ATG16L2: variants seen among roughly 807,000 people sequenced by gnomAD.
ATG16L2 encodes the protein autophagy related 16 like 2, also known as protein Atg16l2.
Under a neutral mutation model 84.7 loss-of-function variants are expected in ATG16L2, and 77 were observed. The observed-to-expected ratio is 0.91, with a 90% CI of 0.76 to 1.10. The LOEUF (loss-of-function observed/expected upper bound fraction) is 1.10. ATG16L2 is among the 50% of genes least tolerant of loss of function. The pLI, the probability that ATG16L2 is intolerant of heterozygous loss-of-function variation, is 0.00. For missense variants in ATG16L2, 782 were observed against 817.6 expected (o/e 0.96, Z 0.53); for synonymous variants, 361 against 342.8 (o/e 1.05, Z -0.59).
At chr11:72,817,990 A>G in intron 3 of ATG16L2, 135 bp downstream of exon 3, 1 of 830,144 alleles carries the variant, frequency 1.2e-6, no homozygotes, top group Non-Finnish European at 1.9e-6. Flanking sequence ...AGTGTGTGCC[A>G]GGCCCTGACC....
At chr11:72,818,078 T>C in intron 3 of ATG16L2, 1 of 556,220 alleles carries the variant, frequency 1.8e-6, no homozygotes, top group South Asian at 2.1e-5. Context: ...GGGAGTTAGG[T>C]GTGCAAGGGC....
intron 3 of ATG16L2, among the ~76,000 whole-genome samples, chr11:72,821,014 C>T (rs1388758494): frequency 6.6e-6 from 1 of 152,170 alleles, no homozygotes; most frequent in Non-Finnish European, 1.5e-5. Context: ...GAGACCTGTG[C>T]TTGGGCAGGC....
chr11:72,821,959 G>A, intron 4 of ATG16L2, 85 bp from the exon 5 acceptor site: 1 of 1,436,976 alleles, frequency 7.0e-7, no homozygotes, highest in Non-Finnish European at 9.1e-7. Flanking sequence ...GGCATGGGCA[G>A]GTCTGTCTCT....
At chr11:72,843,352 A>G in exon 6 of ATG16L2, 1 of 1,601,710 alleles carries the variant, frequency 6.2e-7, no homozygotes, top group Non-Finnish European at 8.5e-7. Flanking sequence ...ATGTGACAAA[A>G]CAAGTTTACA....
intron 11 of ATG16L2, 79 bp from the exon 12 acceptor site, chr11:72,826,439 C>T: frequency 6.4e-7 from 1 of 1,568,068 alleles, no homozygotes; most frequent in Non-Finnish European, 8.7e-7. Flanking sequence ...AACTGTGAGG[C>T]AGCCCCTAGC....
chr11:72,834,382 A>T (rs1204883266), downstream of ATG16L2, among the ~76,000 whole-genome samples: 1 of 152,126 alleles, frequency 6.6e-6, no homozygotes, highest in Non-Finnish European at 1.5e-5. Flanking sequence ...TAGAGGATAA[A>T]GGTTTGTTTT....
At chr11:72,828,825 C>T in intron 16 of ATG16L2, 49 bp downstream of exon 16, 1 of 1,613,838 alleles carries the variant, frequency 6.2e-7, no homozygotes, top group East Asian at 2.2e-5. Flanking sequence ...CCTGCCGGAC[C>T]CTGTGTGTGC....
rs1374675645 is a variant in ATG16L2 at position 72,826,546 on chromosome 11, A to G, written c.1202A>G (p.Asn401Ser). ...TACCAGGTTTTAGCAGCAACTTACA[A>G]CCAGGCTGCCCAGCTCTGGAAGGTG... The part of the protein sequence containing the change: ...SGYQVLAATY[N>S]QAAQLWKVGE... The change falls in exon 12 of 18, where the codon AAC becomes AGC. Residue 401 changes from asparagine (N) to serine (S), a missense_variant. Coordinates refer to ENST00000321297, the MANE Select transcript of ATG16L2 (RefSeq NM_033388.2). The G allele has an allele frequency of 6.2e-7, 1 of 1,613,980 alleles. No individual in the cohort carries two copies. The highest frequency in any genetic ancestry group is 1.1e-5 in the South Asian group (1 of 91,070).
chr11:72,816,926 G>A, intron 2 of ATG16L2, 99 bp downstream of exon 2: 3 of 662,296 alleles, frequency 4.5e-6, no homozygotes, highest in Non-Finnish European at 7.1e-6. Context: ...TGCCTCATCA[G>A]CCCTTGGCTG....
At chr11:72,827,444 GGCTGGGCTCAGCTCCC>G (rs933044165) in intron 14 of ATG16L2, 151 bp downstream of exon 14, 1 of 656,518 alleles carries the variant, frequency 1.5e-6, no homozygotes, top group Admixed American at 2.6e-5. Flanking sequence ...AGTGCCTCTC[GGCTGGGCTCAGCTCCC>G]GCAGGAAGCT....
chr11:72,842,602 TG>T (rs1860996569), intron 5 of ATG16L2: 1 of 1,613,458 alleles, frequency 6.2e-7, no homozygotes, highest in African/African-American at 1.3e-5. Flanking sequence ...TTAATTCAAC[TG>T]TCTCCCCTCT....
intron 7 of ATG16L2, chr11:72,823,396 T>C (rs1360745898): frequency 2.9e-6 from 1 of 349,526 alleles, no homozygotes; most frequent in South Asian, 2.2e-5. Context: ...TATAAGCATG[T>C]GTAGATGTGT....
Position 72,815,093 on chromosome 11 carries a change from C to T in ATG16L2, c.118+530C>T, listed in dbSNP as rs542016223. On this transcript the variant is annotated intron_variant, in intron 1 of 17. Transcript: ENST00000321297. Reference sequence around the variant, plus strand: ...TGGAACACCTCCCTGTCAGCCTACCCAGCCTGAGGGGGCATCAGGGGGCCC... The same window carrying T: ...TGGAACACCTCCCTGTCAGCCTACCTAGCCTGAGGGGGCATCAGGGGGCCC... Among the ~76,000 whole-genome samples, 464 of 152,354 alleles carry T rather than the reference C, an allele frequency of 3.0e-3. 1 individual carries two copies. Among genetic ancestry groups the T allele is most frequent in the Admixed American group, 5.4e-3 (83 of 15,300 alleles).
At position 72,819,615 on chromosome 11, in the gene ATG16L2, C is replaced by T. The variant is rs74697139; in HGVS notation, c.318+1760C>T. On this transcript the variant is annotated intron_variant, in intron 3 of 17. Coordinates refer to ENST00000321297, the MANE Select transcript of ATG16L2 (RefSeq NM_033388.2). ...CTCTTGTCGCATTTCCTGCCACGCT[C>T]ATCTCTGAGCTCCCAGCTCCCTTTG... 3.6e-3 allele frequency among the ~76,000 whole-genome samples: 543 copies of T among 152,348 alleles called. 1 individual carries two copies. The highest frequency in any genetic ancestry group is 0.013 in the African/African-American group (527 of 41,584).
Position 72,821,937 on chromosome 11 carries a change from C to G in ATG16L2, c.393-107C>G, listed in dbSNP as rs188033427. On this transcript the variant is annotated intron_variant, in intron 4 of 17. Transcript: ENST00000321297. ...GGGGAGACCTGGCTTAGCCACCCGG[C>G]TAGCCGCGTTTGGCATGGGCAGGTC... 5.6e-4 allele frequency: 793 copies of G among 1,425,378 alleles called. 6 individuals are homozygous for G. The African/African-American group carries it at 0.01, about 19-fold the overall frequency. The allele number at this position is 1,425,378 out of a possible 1,614,324, so 88.3% of individuals were successfully genotyped here. A position where few individuals can be genotyped will look rare whatever the true frequency, so the allele number is the denominator to read the frequency against.
chr11:72,839,750 T>G (rs1235695679), intron 5 of ATG16L2, among the ~76,000 whole-genome samples: 1 of 152,104 alleles, frequency 6.6e-6, no homozygotes, highest in Non-Finnish European at 1.5e-5. Flanking sequence ...TAAACTGAGA[T>G]ATCCACACAT....
intron 7 of ATG16L2, 61 bp downstream of exon 7, chr11:72,823,022 G>A: frequency 1.6e-6 from 2 of 1,257,604 alleles, no homozygotes; most frequent in Non-Finnish European, 2.2e-6. Flanking sequence ...AGGCTGCCAG[G>A]GTCTTCCTCT....
At chr11:72,829,676 A>C (rs1253701143), downstream of ATG16L2, 1 of 1,149,780 alleles carries the variant, frequency 8.7e-7, no homozygotes, top group African/African-American at 1.6e-5. Context: ...TGGTACAGAG[A>C]CCTTTGGGCT....
At chr11:72,832,031 T>G (rs762669325), downstream of ATG16L2, among the ~76,000 whole-genome samples, 26 of 152,202 alleles carry the variant, frequency 1.7e-4, no homozygotes, top group Non-Finnish European at 2.9e-4. Flanking sequence ...CCCTACATCT[T>G]CACCCTTTTC....
Sources: gnomAD v4.1 joint callset for allele counts (sites outside exome capture counted in the v4.1 genomes callset) on GRCh38, gnomAD v4.1.1 for gene constraint, MANE v1.5 for transcripts, NCBI Gene and HGNC (gene_info 2026-07-23, HGNC 2026-07-21) for gene names.